Variants in FHL2 observed in about 807,000 individuals in gnomAD.
The protein encoded by FHL2 is four and a half LIM domains 2, also known as four and a half LIM domains protein 2.
FHL2 carries 20 observed loss-of-function variants against 32.7 expected under a neutral mutation model. That is an observed-to-expected ratio of 0.61 (90% CI 0.43 to 0.89). The LOEUF (loss-of-function observed/expected upper bound fraction) is 0.89. Among genes scored for constraint, FHL2 ranks in the 40% least tolerant of loss-of-function variants. The pLI is 0.00. For missense variants in FHL2, 311 were observed against 358.6 expected (o/e 0.87, Z 1.07); for synonymous variants, 123 against 128.1 (o/e 0.96, Z 0.27).
chr2:105,415,966 G>T (rs1438220874), intron 1 of FHL2, among the ~76,000 whole-genome samples: 1 of 152,192 alleles, frequency 6.6e-6, no homozygotes, highest in Non-Finnish European at 1.5e-5. Flanking sequence ...AATTGAAACT[G>T]TGTGTGGAAC....
intron 3 of FHL2, chr2:105,378,170 G>A: frequency 2.1e-6 from 1 of 471,154 alleles, no homozygotes; most frequent in Non-Finnish European, 4.4e-6. Flanking sequence ...CCAAGGCACT[G>A]CAGAATTCCA....
upstream of FHL2, among the ~76,000 whole-genome samples, chr2:105,404,021 G>A (rs138531027): frequency 1.3e-5 from 2 of 152,286 alleles, no homozygotes; most frequent in East Asian, 1.9e-4. Flanking sequence ...GAGGCTGGTG[G>A]GCTAGACCCA....
At chr2:105,399,980 T>C (rs1023226200), upstream of FHL2, among the ~76,000 whole-genome samples, 3 of 152,072 alleles carry the variant, frequency 2.0e-5, no homozygotes, top group Non-Finnish European at 4.4e-5. Context: ...AACTCCGTGA[T>C]TGCTTTCTTT....
chr2:105,383,732 A>C (rs1238754699), intron 3 of FHL2, among the ~76,000 whole-genome samples: 1 of 152,190 alleles, frequency 6.6e-6, no homozygotes, highest in Non-Finnish European at 1.5e-5. Flanking sequence ...CTTCCAGAAA[A>C]AAACAGGAAC....
At chr2:105,424,289 C>T (rs978245258) in intron 1 of FHL2, among the ~76,000 whole-genome samples, 22 of 152,214 alleles carry the variant, frequency 1.4e-4, no homozygotes, top group African/African-American at 5.1e-4. Flanking sequence ...CTCATCATCA[C>T]TGGCCATCAG....
At chr2:105,424,815 G>C (rs1400604525) in intron 1 of FHL2, among the ~76,000 whole-genome samples, 8 of 152,170 alleles carry the variant, frequency 5.3e-5, no homozygotes, top group Non-Finnish European at 1.2e-4. Context: ...AGTGGGAGTT[G>C]AACAATGAGA....
intron 1 of FHL2, among the ~76,000 whole-genome samples, chr2:105,427,591 G>A (rs774651686): frequency 6.6e-6 from 1 of 152,140 alleles, no homozygotes; most frequent in Non-Finnish European, 1.5e-5. Flanking sequence ...CCTGACTTTC[G>A]AACAGAGGCC....
intron 1 of FHL2, among the ~76,000 whole-genome samples, chr2:105,437,273 C>T (rs1176627789): frequency 2.6e-5 from 4 of 152,038 alleles, no homozygotes; most frequent in South Asian, 2.1e-4. Flanking sequence ...TGTAAGGGGT[C>T]GGGTGGATCT....
intron 1 of FHL2, among the ~76,000 whole-genome samples, chr2:105,413,377 A>C (rs1317086493): frequency 1.3e-5 from 2 of 152,202 alleles, no homozygotes; most frequent in Admixed American, 1.3e-4. Flanking sequence ...ACTCTCTTTT[A>C]AAGAAAAGAG....
At chr2:105,378,508 G>A (rs1681644230) in intron 3 of FHL2, 1 of 195,058 alleles carries the variant, frequency 5.1e-6, no homozygotes, top group African/African-American at 2.3e-5. Context: ...ACACCTGAAA[G>A]TGCTCCCCAT....
intron 3 of FHL2, among the ~76,000 whole-genome samples, chr2:105,382,526 A>C (rs1288081503): frequency 6.6e-6 from 1 of 152,240 alleles, no homozygotes; most frequent in Non-Finnish European, 1.5e-5. Context: ...GAATGAAAAA[A>C]GTTCCTACCT....
Position 105,363,304 on chromosome 2 carries a change from C to T in FHL2, c.669G>A (p.Gly223=), listed in dbSNP as rs567289417. ...FCDLYAKKCA[G]CTNPISGLGG... ...ACTCACCGCTGATGGGGTTGGTGCA[C>T]CCAGCACACTTCTTGGCATACAAGT... The change falls in exon 6 of 7, where the codon GGG becomes GGA. Residue 223 remains glycine, a synonymous_variant. Coordinates refer to ENST00000530340, the MANE Select transcript of FHL2 (RefSeq NM_001318895.3). 3.1e-6 allele frequency: 5 copies of T among 1,614,090 alleles called. No individual in the cohort carries two copies. The South Asian group carries it at 4.4e-5, about 14-fold the overall frequency.
At chr2:105,419,907 T>C (rs1684048244) in intron 1 of FHL2, among the ~76,000 whole-genome samples, 1 of 152,186 alleles carries the variant, frequency 6.6e-6, no homozygotes, top group Non-Finnish European at 1.5e-5. Flanking sequence ...TCCTCCCCTA[T>C]ACTACATAGT....
At chr2:105,413,314 A>G (rs192175028) in intron 1 of FHL2, among the ~76,000 whole-genome samples, 2 of 152,290 alleles carry the variant, frequency 1.3e-5, no homozygotes, top group East Asian at 3.9e-4. Flanking sequence ...CAAGAAGCAT[A>G]AAGCCTGATT....
At chr2:105,381,523 G>A (rs1681885687) in intron 3 of FHL2, among the ~76,000 whole-genome samples, 1 of 152,124 alleles carries the variant, frequency 6.6e-6, no homozygotes, top group South Asian at 2.1e-4. Context: ...TCACTGCTGA[G>A]CGCTGTGCAC....
chr2:105,398,774 C>G, intron 1 of FHL2, 68 bp downstream of exon 1: 1 of 1,283,504 alleles, frequency 7.8e-7, no homozygotes, highest in Non-Finnish European at 1.0e-6. Context: ...CTCCCGGCTT[C>G]TCCCCGCACG....
intron 1 of FHL2, among the ~76,000 whole-genome samples, chr2:105,420,980 G>C (rs1684086626): frequency 1.3e-5 from 2 of 152,166 alleles, no homozygotes; most frequent in Non-Finnish European, 2.9e-5. Flanking sequence ...AGTGGGACAA[G>C]TTTTAGGAGA....
chr2:105,407,208 C>A (rs1401382691), intron 1 of FHL2, among the ~76,000 whole-genome samples: 1 of 151,982 alleles, frequency 6.6e-6, no homozygotes, highest in South Asian at 2.1e-4. Flanking sequence ...CTGGCTAACA[C>A]GGTGAAACCC....
At chr2:105,422,532 A>G (rs1027209248) in intron 1 of FHL2, among the ~76,000 whole-genome samples, 1 of 152,078 alleles carries the variant, frequency 6.6e-6, no homozygotes, top group Non-Finnish European at 1.5e-5. Flanking sequence ...TCTAGATAAG[A>G]CATGATCTAC....
Sources: allele counts gnomAD v4.1 joint callset (sites outside exome capture counted in the v4.1 genomes callset), GRCh38; gene constraint gnomAD v4.1.1; transcripts MANE v1.5; gene names NCBI Gene and HGNC (gene_info 2026-07-23, HGNC 2026-07-21).